Variants in LCT observed in about 807,000 individuals in gnomAD.
The protein encoded by LCT is lactase/phlorizin hydrolase.
Under a neutral mutation model 173.0 loss-of-function variants are expected in LCT, and 90 were observed. That is an observed-to-expected ratio of 0.52 (90% CI 0.44 to 0.62). The LOEUF is 0.62. LCT is among the 20% of genes least tolerant of loss of function. The pLI is 0.00. For synonymous variants in LCT, 853 were observed against 957.6 expected (o/e 0.89, Z 2.02); for missense variants, 1,864 against 2,431.4 (o/e 0.77, Z 4.91).
At chr2:135,822,235 T>C (rs751328191) in intron 4 of LCT, 137 bp from the exon 5 acceptor site, 17 of 684,344 alleles carry the variant, frequency 2.5e-5, no homozygotes, top group Non-Finnish European at 4.0e-5. Flanking sequence ...GAAAATACCA[T>C]GGGCTAACGA....
intron 13 of LCT, among the ~76,000 whole-genome samples, chr2:135,796,226 T>G (rs2077580532): frequency 3.9e-5 from 6 of 152,242 alleles, no homozygotes; most frequent in Admixed American, 3.9e-4. Context: ...AGAGATGCCC[T>G]GCTGAGGCCT....
rs772409249 is a variant in LCT, at chr2:135,788,344, T to C, written c.5764A>G (p.Ser1922Gly). The C allele has an allele frequency of 6.2e-7, 1 of 1,613,764 alleles. No homozygotes were observed. The highest frequency in any genetic ancestry group is 1.1e-5 in the South Asian group (1 of 91,078). Residue 1922 changes from serine to glycine, a missense_variant, in exon 17 of 17, where the codon AGC becomes GGC. This residue lies in a region of LCT where 514 missense variants were observed against 750.1 expected (regional missense o/e 0.69). Transcript: ENST00000264162. ...GKTQRSQQEL[S>G]PVSSF ...ACTCATCAGAATGAAGACACCGGGCTCAATTCCTGTTGGCTTCGTTGTGTT... is the reference window on the plus strand; with the variant it reads ...ACTCATCAGAATGAAGACACCGGGCCCAATTCCTGTTGGCTTCGTTGTGTT...
chr2:135,808,840 C>T lies in LCT; in HGVS notation c.3507G>A (p.Lys1169=), dbSNP rs771830891. The change falls in exon 8 of 17, where the codon AAG becomes AAA. Residue 1169 remains lysine, a synonymous_variant. Transcript: ENST00000264162. The part of the protein sequence containing the change: ...FRNGDYPDTM[K]WKVGNRSELQ... ...GTTCACTCCTGTTCCCCACTTTCCA[C>T]TTCATGGTGTCAGGATAGTCTCCGT... 7 of 1,614,186 alleles carry T rather than the reference C, an allele frequency of 4.3e-6. No homozygotes were observed. Among genetic ancestry groups the T allele is most frequent in the Non-Finnish European group, 5.9e-6 (7 of 1,180,016 alleles).
At chr2:135,796,354 A>C (rs1354219755) in intron 13 of LCT, among the ~76,000 whole-genome samples, 1 of 152,172 alleles carries the variant, frequency 6.6e-6, no homozygotes, top group Non-Finnish European at 1.5e-5. Flanking sequence ...CCTGTCCCTG[A>C]CGCTTCTGCT....
At position 135,790,623 on chromosome 2, in the gene LCT, A is replaced by C; in HGVS notation, c.5335+35T>G. 8.2e-6 allele frequency: 11 copies of C among 1,343,568 alleles called. No homozygotes were observed. The highest frequency in any genetic ancestry group is 9.6e-6 in the Non-Finnish European group (9 of 935,024). 83.2% of individuals were successfully genotyped at this position (1,343,568 alleles called of 1,614,324 possible). A position where few individuals can be genotyped will look rare whatever the true frequency, so the allele number is the denominator to read the frequency against. ...AAATAGCAGATGTTTCCAACAGGGG[A>C]AGGTGCACGCTGGGGAAGGGCGGGC... On this transcript the variant is annotated intron_variant, in intron 15 of 16. Coordinates refer to ENST00000264162, the MANE Select transcript of LCT (RefSeq NM_002299.4). This position sits in a 1 kb window ranked among gnomAD's most constrained non-coding sequence, Gnocchi z 4.1.
chr2:135,790,695 G>A lies in LCT; in HGVS notation c.5298C>T (p.Ile1766=), dbSNP rs745880463. The A allele has an allele frequency of 2.5e-6, 4 of 1,613,156 alleles. No individual in the cohort carries two copies. The East Asian group carries it at 6.7e-5, about 27-fold the overall frequency. Residue 1766 remains isoleucine, a synonymous_variant, in exon 15 of 17, where the codon ATC becomes ATT. Coordinates refer to ENST00000264162, the MANE Select transcript of LCT (RefSeq NM_002299.4). The surrounding 1 kb of genome is among the most constrained non-coding windows in gnomAD (Gnocchi z 4.1). ...EETDLNDTAR[I]YYLRTYINEA... ...CATTGATGTAAGTCCGAAGGTAGTA[G>A]ATCCTTGCAGTGTCATTGAGGTCTG...
intron 4 of LCT, 106 bp from the exon 5 acceptor site, chr2:135,822,204 C>A (rs2077840515): frequency 1.3e-6 from 1 of 771,052 alleles, no homozygotes. Context: ...AAACTCCAAG[C>A]AGTGGTTCCA....
Position 135,804,994 on chromosome 2 carries a change from G to A in LCT, c.4237C>T (p.Pro1413Ser). ...LSIWDTFSHT[P>S]LRVENDAIGD... Reference sequence around the variant, plus strand: ...ATGGCATCGTTCTCAACCCTCAGTGGTGTGTGAGAAAACGTGTCCCAAATG... The same window carrying A: ...ATGGCATCGTTCTCAACCCTCAGTGATGTGTGAGAAAACGTGTCCCAAATG... The change falls in exon 10 of 17, where the codon CCA (proline) becomes TCA (serine). Residue 1413 changes from proline to serine, a missense_variant. Coordinates refer to ENST00000264162, the MANE Select transcript of LCT (RefSeq NM_002299.4). 6.2e-7 allele frequency: 1 copy of A among 1,614,070 alleles called. No individual in the cohort carries two copies.
intron 3 of LCT, among the ~76,000 whole-genome samples, chr2:135,825,054 A>T (rs2077874326): frequency 6.6e-6 from 1 of 152,176 alleles, no homozygotes; most frequent in Non-Finnish European, 1.5e-5. Context: ...AATGGAAGCA[A>T]ATGTAATTTC....
chr2:135,796,597 G>C (rs187956826), intron 13 of LCT, among the ~76,000 whole-genome samples: 2 of 152,328 alleles, frequency 1.3e-5, no homozygotes, highest in Non-Finnish European at 2.9e-5. Flanking sequence ...CTCAGCTGAT[G>C]TCCTGCCTTG....
intron 13 of LCT, among the ~76,000 whole-genome samples, chr2:135,797,143 T>C (rs2077588167): frequency 1.3e-5 from 2 of 151,900 alleles, no homozygotes; most frequent in South Asian, 4.1e-4. Flanking sequence ...AGACAGGGTT[T>C]CGCCATGTTG....
chr2:135,815,989 C>T (rs2077778690), intron 6 of LCT, among the ~76,000 whole-genome samples: 1 of 152,188 alleles, frequency 6.6e-6, no homozygotes, highest in Non-Finnish European at 1.5e-5. Context: ...GCGTGAGCCA[C>T]CATGCCCGGC....
rs1408478665 is a variant in LCT at position 135,817,672 on chromosome 2, C to T, written c.1376G>A (p.Arg459Gln). 8.1e-6 allele frequency: 13 copies of T among 1,613,800 alleles called. No individual in the cohort carries two copies. The highest frequency in any genetic ancestry group is 4.0e-5 in the African/African-American group (3 of 74,928). Residue 459 changes from arginine (R) to glutamine (Q), a missense_variant, in exon 6 of 17, where the codon CGG becomes CAG. By Grantham distance (43) the Arg-to-Gln change is conservative. Coordinates refer to ENST00000264162, the MANE Select transcript of LCT (RefSeq NM_002299.4). The stretch of plus-strand genomic sequence containing the variant: ...GCTCCCGTGCCCCATGGGGAAGATC[C>T]GGGACCAGGAGATGGAGAACTTGTA... The part of the protein sequence containing the change: ...QVYKFSISWS[R>Q]IFPMGHGSSP...
intron 3 of LCT, among the ~76,000 whole-genome samples, chr2:135,829,343 C>A (rs1250261157): frequency 6.6e-6 from 1 of 152,114 alleles, no homozygotes; most frequent in Non-Finnish European, 1.5e-5. Context: ...GATTTCTACA[C>A]AAGCAAGCAG....
At position 135,812,884 on chromosome 2, in the gene LCT, G is replaced by C. The variant is rs886054867; in HGVS notation, c.1780C>G (p.Gln594Glu). The change falls in exon 7 of 17, where the codon CAG (glutamine) becomes GAG (glutamate). Residue 594 changes from glutamine to glutamate, a missense_variant. Gln to Glu is a conservative substitution (Grantham distance 29). Around this residue, in one of 4 missense-constraint regions of LCT, gnomAD observed 183 missense variants for 293.1 expected, o/e 0.62. Transcript: ENST00000264162. ...HYNSHHRPQQ[Q>E]GHVGIVLNSD... The stretch of plus-strand genomic sequence containing the variant: ...TTCAGCACAATGCCCACGTGCCCCT[G>C]CTGCTGTGGGCGATGATGGCTGTTG... 3 of 1,614,124 alleles carry C rather than the reference G, an allele frequency of 1.9e-6. No homozygotes were observed. The East Asian group carries it at 6.7e-5, about 36-fold the overall frequency.
At chr2:135,824,951 C>T (rs376783905) in intron 3 of LCT, among the ~76,000 whole-genome samples, 14 of 149,536 alleles carry the variant, frequency 9.4e-5, no homozygotes, top group Non-Finnish European at 4.4e-5. Flanking sequence ...TGCAGTGAAC[C>T]GCTGCACTTC....
At chr2:135,807,511 C>T (rs1454102960) in intron 8 of LCT, 115 bp from the exon 9 acceptor site, 2 of 966,636 alleles carry the variant, frequency 2.1e-6, no homozygotes, top group Non-Finnish European at 3.3e-6. Flanking sequence ...AAGTGACATA[C>T]ACCCTGAGAG....
intron 9 of LCT, among the ~76,000 whole-genome samples, chr2:135,806,243 C>T (rs1224078296): frequency 6.6e-6 from 1 of 152,134 alleles, no homozygotes; most frequent in African/African-American, 2.4e-5. Flanking sequence ...TCCCATAGCA[C>T]TGGGATTGCA....
At chr2:135,797,965 C>A (rs896011297) in intron 13 of LCT, 64 bp downstream of exon 13, 1 of 899,588 alleles carries the variant, frequency 1.1e-6, no homozygotes, top group South Asian at 1.3e-5. Context: ...TGGTAACTTG[C>A]CCGAGACATG....
Sources: allele counts gnomAD v4.1 joint callset (sites outside exome capture counted in the v4.1 genomes callset), GRCh38; gene constraint gnomAD v4.1.1; regional missense constraint gnomAD v4.1.1; non-coding constraint Gnocchi (gnomAD v3.1); transcripts MANE v1.5; gene names NCBI Gene and HGNC (gene_info 2026-07-23, HGNC 2026-07-21).